The following RAPGEF2 variants were observed in gnomAD, a reference collection of about 807,000 sequenced individuals.
The protein encoded by RAPGEF2 is PDZ domain containing guanine nucleotide exchange factor (GEF) 1.
A neutral mutation model predicts 186.7 loss-of-function variants in RAPGEF2; 54 were observed. The ratio of observed to expected loss-of-function variants is 0.29; its 90% CI spans 0.23 to 0.36. The LOEUF (loss-of-function observed/expected upper bound fraction) is 0.36. Ranked by LOEUF, RAPGEF2 falls within the 10% of genes least tolerant of loss-of-function variation. The pLI, the probability that RAPGEF2 is intolerant of heterozygous loss-of-function variation, is 1.00. For synonymous variants in RAPGEF2, 712 were observed against 705.9 expected (o/e 1.01, Z -0.14); for missense variants, 1,532 against 2,045.0 (o/e 0.75, Z 4.84).
intron 25 of RAPGEF2, among the ~76,000 whole-genome samples, chr4:159,348,268 ATGGATGGATGG>A (rs1369441819): frequency 4.0e-5 from 6 of 151,534 alleles, no homozygotes; most frequent in African/African-American, 1.5e-4. Flanking sequence ...GGATGGATGG[ATGGATGGATGG>A]ATGGATAGAT....
intron 9 of RAPGEF2, among the ~76,000 whole-genome samples, chr4:159,319,232 C>A (rs191858320): frequency 6.6e-6 from 1 of 152,096 alleles, no homozygotes; most frequent in African/African-American, 2.4e-5. Flanking sequence ...CAGCAGGAGG[C>A]GAGTGAAAGG....
At chr4:159,243,899 T>C in intron 7 of RAPGEF2, 108 bp downstream of exon 7, 1 of 853,908 alleles carries the variant, frequency 1.2e-6, no homozygotes, top group Non-Finnish European at 1.7e-6. Flanking sequence ...CGTCTTGTCC[T>C]TCTGTATTTT....
intron 4 of RAPGEF2, among the ~76,000 whole-genome samples, chr4:159,230,776 C>T (rs368055908): frequency 1.5e-4 from 23 of 152,220 alleles, no homozygotes; most frequent in African/African-American, 5.5e-4. Flanking sequence ...ATTCACCTCT[C>T]AATGAAACTC....
At chr4:159,321,696 CTG>C (rs1182261120) in intron 9 of RAPGEF2, among the ~76,000 whole-genome samples, 2 of 152,212 alleles carry the variant, frequency 1.3e-5, no homozygotes, top group African/African-American at 2.4e-5. Flanking sequence ...CTTGAAGAGA[CTG>C]TGACATCAAC....
chr4:159,293,597 T>C (rs1761525627), intron 7 of RAPGEF2, among the ~76,000 whole-genome samples: 1 of 152,240 alleles, frequency 6.6e-6, no homozygotes, highest in Non-Finnish European at 1.5e-5. Context: ...GGAAGAATTT[T>C]CAGTTATAGG....
Position 159,356,119 on chromosome 4 carries a change from G to T in RAPGEF2, c.4918G>T (p.Ala1640Ser). ...ACCGAACGAGTCTGACCCGCGCCTC[G>T]CCCCCTATCAGTCCCAAGGGTTTTC... Reference protein sequence around the residue: ...HKPNESDPRLAPYQSQGFSTE... With the variant: ...HKPNESDPRLSPYQSQGFSTE... The change falls in exon 29 of 30, where the codon GCC becomes TCC. Residue 1640 changes from alanine (A) to serine (S), a missense_variant. Coordinates refer to ENST00000691494, the MANE Select transcript of RAPGEF2 (RefSeq NM_001394067.2). The T allele has an allele frequency of 6.2e-7, 1 of 1,614,074 alleles. No homozygotes were observed.
At chr4:159,149,406 C>T (rs977423660) in intron 1 of RAPGEF2, among the ~76,000 whole-genome samples, 4 of 152,000 alleles carry the variant, frequency 2.6e-5, no homozygotes, top group Non-Finnish European at 5.9e-5. Flanking sequence ...TTACAGGTGC[C>T]TGCCACCACA....
At chr4:159,257,002 C>G (rs1170316104) in intron 7 of RAPGEF2, among the ~76,000 whole-genome samples, 2 of 152,106 alleles carry the variant, frequency 1.3e-5, no homozygotes, top group Non-Finnish European at 2.9e-5. Context: ...TCTATTCACT[C>G]TGATGATAGT....
At chr4:159,220,864 TA>T (rs1333721504) in intron 4 of RAPGEF2, among the ~76,000 whole-genome samples, 3 of 152,172 alleles carry the variant, frequency 2.0e-5, no homozygotes, top group Admixed American at 1.3e-4. Flanking sequence ...ACTTGACCTT[TA>T]AAAAAATCAC....
intron 1 of RAPGEF2, among the ~76,000 whole-genome samples, chr4:159,150,109 TGTG>T (rs1743377124): frequency 7.1e-6 from 1 of 140,018 alleles, no homozygotes; most frequent in Non-Finnish European, 1.5e-5. Context: ...TTTTGTTATT[TGTG>T]GTAGTTATAT....
chr4:159,135,966 A>G (rs990670510), intron 1 of RAPGEF2, among the ~76,000 whole-genome samples: 7 of 152,228 alleles, frequency 4.6e-5, no homozygotes, highest in Non-Finnish European at 7.3e-5. Context: ...GAGAGTTTCC[A>G]TATGTATACC....
Position 159,297,021 on chromosome 4 carries a change from T to C in RAPGEF2, c.544-7321T>C, listed in dbSNP as rs79898203. ...CCAAGTGTATTTAAATTGTCCCCAT[T>C]TCATACACGCAAGAATTAATTCCTT... On this transcript the variant is annotated intron_variant, in intron 7 of 29. Coordinates refer to ENST00000691494, the MANE Select transcript of RAPGEF2 (RefSeq NM_001394067.2). Among the ~76,000 whole-genome samples, 1,068 of 152,306 alleles carry C rather than the reference T, an allele frequency of 7.0e-3. 11 individuals are homozygous for C. Among genetic ancestry groups the C allele is most frequent in the African/African-American group, 0.024 (1,012 of 41,566 alleles).
chr4:159,273,242 T>A (rs1407647580), intron 7 of RAPGEF2, among the ~76,000 whole-genome samples: 1 of 152,236 alleles, frequency 6.6e-6, no homozygotes, highest in Non-Finnish European at 1.5e-5. Context: ...TCCTGTTGTT[T>A]TATTCAAGGA....
chr4:159,141,485 A>T (rs1742326595), intron 1 of RAPGEF2, among the ~76,000 whole-genome samples: 1 of 152,092 alleles, frequency 6.6e-6, no homozygotes, highest in African/African-American at 2.4e-5. Context: ...GCTGTGGTGA[A>T]TATCATTGTG....
intron 1 of RAPGEF2, among the ~76,000 whole-genome samples, chr4:159,134,070 C>G (rs181534465): frequency 3.4e-4 from 52 of 152,280 alleles, no homozygotes; most frequent in Non-Finnish European, 6.2e-4. Context: ...CAACTGCAAT[C>G]AAAATTAAGA....
At chr4:159,150,685 T>C (rs1579312988) in intron 1 of RAPGEF2, among the ~76,000 whole-genome samples, 1 of 152,360 alleles carries the variant, frequency 6.6e-6, no homozygotes, top group East Asian at 1.9e-4. Context: ...TTTTTGGTGC[T>C]CTGTGCATGT....
rs111470102 is a variant in RAPGEF2 at position 159,138,259 on chromosome 4, G to A, written c.69+34028G>A. Among the ~76,000 whole-genome samples the A allele has an allele frequency of 6.7e-3, 1,018 of 152,204 alleles. 4 individuals are homozygous for A. The highest frequency in any genetic ancestry group is 0.011 in the Non-Finnish European group (756 of 67,976). On this transcript the variant is annotated intron_variant, in intron 1 of 29. Coordinates refer to ENST00000691494, the MANE Select transcript of RAPGEF2 (RefSeq NM_001394067.2). The stretch of plus-strand genomic sequence containing the variant: ...ACACACACATATGCATATAAGATGG[G>A]TATCTATACCTAAAACATCTAAAAG...
intron 9 of RAPGEF2, among the ~76,000 whole-genome samples, chr4:159,319,748 G>A (rs1201155501): frequency 2.0e-5 from 3 of 151,220 alleles, no homozygotes; most frequent in Non-Finnish European, 4.4e-5. Flanking sequence ...TATATGATAT[G>A]CAGGTATCTT....
intron 4 of RAPGEF2, among the ~76,000 whole-genome samples, chr4:159,229,022 A>T (rs1404399743): frequency 6.6e-6 from 1 of 152,152 alleles, no homozygotes; most frequent in Non-Finnish European, 1.5e-5. Flanking sequence ...TAAGTCCTAA[A>T]CAAATCAATT....
Sources: allele counts gnomAD v4.1 joint callset (sites outside exome capture counted in the v4.1 genomes callset), GRCh38; gene constraint gnomAD v4.1.1; transcripts MANE v1.5; gene names NCBI Gene and HGNC (gene_info 2026-07-23, HGNC 2026-07-21).